PPP5C: variants seen among roughly 807,000 people sequenced by gnomAD.
PPP5C encodes the protein protein phosphatase 5 catalytic subunit.
A neutral mutation model predicts 66.7 loss-of-function variants in PPP5C; 21 were observed. The ratio of observed to expected loss-of-function variants is 0.31; its 90% CI spans 0.22 to 0.45. The LOEUF is 0.45. PPP5C is among the 20% of genes least tolerant of loss of function. PPP5C has a pLI of 1.00. For synonymous variants in PPP5C, 246 were observed against 257.4 expected (o/e 0.96, Z 0.43); for missense variants, 464 against 675.9 (o/e 0.69, Z 3.48).
At position 46,383,498 on chromosome 19, in the gene PPP5C, G is replaced by T; in HGVS notation, c.699+22G>T. 6.3e-7 allele frequency: 1 copy of T among 1,587,212 alleles called. No individual in the cohort carries two copies. Among genetic ancestry groups the T allele is most frequent in the Non-Finnish European group, 8.6e-7 (1 of 1,162,188 alleles). ...AGAGGTGCGCGTTGTGGGGCAGTGC[G>T]GGGAGGGCCAGCGGGGGTGGGCTCT... On this transcript the variant is annotated intron_variant, in intron 5 of 12. Transcript: ENST00000012443. The surrounding 1 kb of genome is among the most constrained non-coding windows in gnomAD (Gnocchi z 5.0).
chr19:46,380,923 A>C (rs1972779522), intron 4 of PPP5C, among the ~76,000 whole-genome samples: 1 of 152,142 alleles, frequency 6.6e-6, no homozygotes, highest in Non-Finnish European at 1.5e-5. Flanking sequence ...AGTTTTGGAA[A>C]GTTCTTAGCC....
intron 11 of PPP5C, among the ~76,000 whole-genome samples, 173 bp from the exon 12 acceptor site, chr19:46,389,878 C>T (rs536884986): frequency 1.5e-4 from 23 of 152,086 alleles, no homozygotes; most frequent in African/African-American, 5.5e-4. Context: ...CTGCCCCTCC[C>T]ATTCTTTCCC....
In PPP5C at chr19:46,388,883, T is replaced by C. The variant is rs1010405151; in HGVS notation, c.1355+152T>C. 7.1e-6 allele frequency: 7 copies of C among 988,672 alleles called. No individual in the cohort carries two copies. The highest frequency in any genetic ancestry group is 6.7e-5 in the South Asian group (4 of 59,420). 61.2% of individuals were successfully genotyped at this position (988,672 alleles called of 1,614,324 possible). On this transcript the variant is annotated intron_variant, in intron 11 of 12. Coordinates refer to ENST00000012443, the MANE Select transcript of PPP5C (RefSeq NM_006247.4). This position sits in a 1 kb window ranked among gnomAD's most constrained non-coding sequence, Gnocchi z 4.9. Reference sequence around the variant, plus strand: ...CACCCCCGTATGTGTCACCCACCCATGCAGCACCAGTGGGGCCAGCCTGTG... The same window carrying C: ...CACCCCCGTATGTGTCACCCACCCACGCAGCACCAGTGGGGCCAGCCTGTG...
chr19:46,388,359 C>T lies in PPP5C; in HGVS notation c.1136-49C>T, dbSNP rs1972928275. On this transcript the variant is annotated intron_variant, in intron 9 of 12. Transcript: ENST00000012443. This position sits in a 1 kb window ranked among gnomAD's most constrained non-coding sequence, Gnocchi z 4.9. Reference sequence around the variant, plus strand: ...CCAGGAGGTGGCCTGTGAGTGACCACCCCCGGGGAGGTGGACGAGTCCCTA... The same window carrying T: ...CCAGGAGGTGGCCTGTGAGTGACCATCCCCGGGGAGGTGGACGAGTCCCTA... The T allele has an allele frequency of 6.4e-7, 1 of 1,573,540 alleles. No individual in the cohort carries two copies. The highest frequency in any genetic ancestry group is 2.3e-5 in the East Asian group (1 of 44,034).
At chr19:46,366,542 TG>T (rs1972494640) in intron 2 of PPP5C, among the ~76,000 whole-genome samples, 1 of 152,094 alleles carries the variant, frequency 6.6e-6, no homozygotes, top group Non-Finnish European at 1.5e-5. Flanking sequence ...GATGGGGTCT[TG>T]CTGTGTTCCC....
At position 46,383,435 on chromosome 19, in the gene PPP5C, CTCTCCAAGCTGAGCACGCTCG is replaced by C; in HGVS notation, c.660_680del (p.Ser221_Val227del). 6.2e-7 allele frequency: 1 copy of C among 1,612,160 alleles called. No homozygotes were observed. On this transcript the variant is annotated inframe_deletion, in exon 5 of 13. Coordinates refer to ENST00000012443, the MANE Select transcript of PPP5C (RefSeq NM_006247.4). The surrounding 1 kb of genome is among the most constrained non-coding windows in gnomAD (Gnocchi z 5.0). ...GATTCTGGTACAGGTCAAAGAGGTC[CTCTCCAAGCTGAGCACGCTCG>C]TGGAAACCACACTCAAAGAGGTGCG... is the stretch of plus-strand genomic sequence containing the variant.
chr19:46,368,142 CA>C (rs1972522487), intron 2 of PPP5C, among the ~76,000 whole-genome samples: 2 of 152,218 alleles, frequency 1.3e-5, no homozygotes, highest in South Asian at 2.1e-4. Flanking sequence ...AGATTAGTGC[CA>C]CCATCAGAGA....
chr19:46,349,402 G>C (rs529731978), intron 1 of PPP5C, among the ~76,000 whole-genome samples: 1 of 152,270 alleles, frequency 6.6e-6, no homozygotes, highest in Admixed American at 6.5e-5. Context: ...GGAGAGGGGG[G>C]ACTTGCAGCA....
rs1972693877 is a variant in PPP5C, at chr19:46,376,272, G to A, written c.512-181G>A. On this transcript the variant is annotated intron_variant, in intron 3 of 12. Coordinates refer to ENST00000012443, the MANE Select transcript of PPP5C (RefSeq NM_006247.4). The surrounding 1 kb of genome is among the most constrained non-coding windows in gnomAD (Gnocchi z 5.1). ...AAAGGGGGGTGGGTGAAGGAAGACA[G>A]GGAGGTCAGGAAGAGGCCTCTGGGC... Among the ~76,000 whole-genome samples, 1 of 152,098 alleles carries A rather than the reference G, an allele frequency of 6.6e-6. No individual in the cohort carries two copies. The highest frequency in any genetic ancestry group is 2.4e-5 in the African/African-American group (1 of 41,422).
chr19:46,381,971 C>T (rs1601440541), intron 4 of PPP5C: 1 of 152,292 alleles, frequency 6.6e-6, no homozygotes. Flanking sequence ...TTTAAAGTCG[C>T]CAGCTTTTGG....
intron 2 of PPP5C, among the ~76,000 whole-genome samples, chr19:46,371,590 G>A (rs1360871030): frequency 2.6e-5 from 4 of 152,178 alleles, no homozygotes; most frequent in East Asian, 1.9e-4. Context: ...CAGGGCAGGC[G>A]CAGCGGGTCC....
rs776010059 is a variant in PPP5C, at chr19:46,387,464, C to G, written c.1135+11C>G. ...AACCCCCAGATTCAGGTGAGCAGCG[C>G]GGGGCCAGGTGTCTCCAGCAGAAAG... On this transcript the variant is annotated intron_variant, in intron 9 of 12. Transcript: ENST00000012443. 2 of 1,613,854 alleles carry G rather than the reference C, an allele frequency of 1.2e-6. No individual in the cohort carries two copies. The highest frequency in any genetic ancestry group is 1.3e-5 in the African/African-American group (1 of 74,908).
chr19:46,372,252 GGAGTGT>G (rs1479324857), intron 2 of PPP5C, among the ~76,000 whole-genome samples: 1 of 152,036 alleles, frequency 6.6e-6, no homozygotes, highest in Non-Finnish European at 1.5e-5. Context: ...TACCCAGGCT[GGAGTGT>G]GATGGCACAA....
intron 2 of PPP5C, among the ~76,000 whole-genome samples, chr19:46,366,360 T>C (rs945609783): frequency 1.3e-5 from 2 of 151,990 alleles, no homozygotes; most frequent in African/African-American, 2.4e-5. Context: ...TTGTTTTTTT[T>C]TTAGAGACAG....
intron 1 of PPP5C, among the ~76,000 whole-genome samples, chr19:46,350,690 G>A (rs1363098184): frequency 1.3e-5 from 2 of 152,212 alleles, no homozygotes; most frequent in African/African-American, 2.4e-5. Context: ...TCCTCCCCGG[G>A]GGCTGGGAGA....
chr19:46,374,776 C>T (rs907118967), intron 2 of PPP5C, among the ~76,000 whole-genome samples: 1 of 152,170 alleles, frequency 6.6e-6, no homozygotes, highest in Non-Finnish European at 1.5e-5. Context: ...AAGCATTCAC[C>T]CATGCAGCTC....
At chr19:46,389,340 C>G (rs1972952743) in intron 11 of PPP5C, among the ~76,000 whole-genome samples, 1 of 140,766 alleles carries the variant, frequency 7.1e-6, no homozygotes, top group African/African-American at 3.0e-5. Context: ...CGCACACGGG[C>G]AAGAGTAAGA....
chr19:46,384,657 C>T, intron 6 of PPP5C, 147 bp from the exon 7 acceptor site: 1 of 633,408 alleles, frequency 1.6e-6, no homozygotes. Flanking sequence ...TTGAGCCCTG[C>T]CAAGTCCTCA....
In PPP5C at chr19:46,383,645, G is replaced by A. The variant is rs58864300; in HGVS notation, c.700-135G>A. ...TTTCTCTCCTGGCCTCTTGGTCTTC[G>A]TTTGTGTTCCCTGCTTGTGTCTCTT... On this transcript the variant is annotated intron_variant, in intron 5 of 12. Coordinates refer to ENST00000012443, the MANE Select transcript of PPP5C (RefSeq NM_006247.4). The surrounding 1 kb of genome is among the most constrained non-coding windows in gnomAD (Gnocchi z 5.0). 4,238 of 1,030,076 alleles carry A rather than the reference G, an allele frequency of 4.1e-3. 128 individuals carry two copies. In the African/African-American group the frequency reaches 0.061, roughly 15 times the overall value. The allele number at this position is 1,030,076 out of a possible 1,614,324, so 63.8% of individuals were successfully genotyped here.
Sources: gnomAD v4.1 joint callset for allele counts (sites outside exome capture counted in the v4.1 genomes callset) on GRCh38, gnomAD v4.1.1 for gene constraint, Gnocchi (gnomAD v3.1) non-coding constraint, MANE v1.5 for transcripts, NCBI Gene and HGNC (gene_info 2026-07-23, HGNC 2026-07-21) for gene names.